NAALADL2: variants seen among roughly 807,000 people sequenced by gnomAD.
The protein encoded by NAALADL2 is inactive N-acetylated-alpha-linked acidic dipeptidase-like protein 2.
Under a neutral mutation model 87.2 loss-of-function variants are expected in NAALADL2, and 76 were observed. The ratio of observed to expected loss-of-function variants is 0.87; its 90% CI spans 0.72 to 1.05. NAALADL2 has a LOEUF of 1.05. NAALADL2 is among the 50% of genes least tolerant of loss of function. The pLI, the probability that NAALADL2 is intolerant of heterozygous loss-of-function variation, is 0.00. For synonymous variants in NAALADL2, 354 were observed against 331.0 expected (o/e 1.07, Z -0.75); for missense variants, 1,089 against 945.8 (o/e 1.15, Z -1.99).
At chr3:174,968,466 A>G (rs1579777869) in intron 1 of NAALADL2, among the ~76,000 whole-genome samples, 1 of 152,108 alleles carries the variant, frequency 6.6e-6, no homozygotes, top group African/African-American at 2.4e-5. Context: ...GTGACTCGAT[A>G]CAGGTTTGAA....
chr3:174,879,018 A>G (rs978875547), intron 1 of NAALADL2, among the ~76,000 whole-genome samples: 2 of 149,220 alleles, frequency 1.3e-5, no homozygotes, highest in African/African-American at 4.9e-5. Context: ...GTGTAGCCCT[A>G]CAGAAGAAAA....
At chr3:175,760,100 A>G in intron 13 of NAALADL2, among the ~76,000 whole-genome samples, 1 of 152,120 alleles carries the variant, frequency 6.6e-6, no homozygotes, top group East Asian at 1.9e-4. Flanking sequence ...CAAAGGACCA[A>G]TTTAGGACGT....
chr3:174,770,722 C>T (rs1236951948), intron 3 of NAALADL2, among the ~76,000 whole-genome samples: 2 of 151,988 alleles, frequency 1.3e-5, no homozygotes, highest in Admixed American at 6.6e-5. Flanking sequence ...CACCTGCAGT[C>T]CCAGCTACTC....
At chr3:175,151,692 A>G (rs1314277812) in intron 2 of NAALADL2, among the ~76,000 whole-genome samples, 2 of 152,124 alleles carry the variant, frequency 1.3e-5, no homozygotes, top group African/African-American at 4.8e-5. Context: ...ACATACATAC[A>G]CGCACATGCA....
chr3:174,893,947 G>T (rs1359884631), intron 1 of NAALADL2, among the ~76,000 whole-genome samples: 2 of 151,990 alleles, frequency 1.3e-5, no homozygotes, highest in African/African-American at 2.4e-5. Flanking sequence ...ACAAAAACAA[G>T]ACCCATTGAT....
At chr3:175,207,260 A>G (rs1580929650) in intron 2 of NAALADL2, among the ~76,000 whole-genome samples, 1 of 152,186 alleles carries the variant, frequency 6.6e-6, no homozygotes, top group East Asian at 1.9e-4. Flanking sequence ...ATTATTGGAG[A>G]CTAGAAGGTT....
chr3:175,367,375 G>T (rs116607346), intron 5 of NAALADL2, among the ~76,000 whole-genome samples: 331 of 131,882 alleles, frequency 2.5e-3, no homozygotes, highest in African/African-American at 8.3e-3. Context: ...ACTTTAAAGA[G>T]TTGTTTCCGA....
intron 5 of NAALADL2, among the ~76,000 whole-genome samples, chr3:175,409,545 ATATAAG>A (rs1304119734): frequency 7.9e-5 from 12 of 152,070 alleles, no homozygotes; most frequent in East Asian, 1.9e-4. Context: ...GAAATAATAT[ATATAAG>A]TATAAGATTA....
intron 2 of NAALADL2, among the ~76,000 whole-genome samples, chr3:174,614,925 T>TG (rs1560094717): frequency 2.6e-5 from 4 of 152,162 alleles, no homozygotes; most frequent in Non-Finnish European, 5.9e-5. Context: ...TATAATGAAC[T>TG]TTTCTCCAGT....
At chr3:175,373,534 G>A (rs1371331877) in intron 5 of NAALADL2, among the ~76,000 whole-genome samples, 1 of 152,070 alleles carries the variant, frequency 6.6e-6, no homozygotes, top group Non-Finnish European at 1.5e-5. Flanking sequence ...TCTATTTTAT[G>A]CTCATATCAG....
chr3:175,564,171 C>T (rs376430329), intron 9 of NAALADL2, among the ~76,000 whole-genome samples: 4 of 151,926 alleles, frequency 2.6e-5, no homozygotes, highest in South Asian at 2.1e-4. Context: ...TAAAATTAAA[C>T]GAATTACCTC....
At chr3:174,683,481 T>C (rs1347263450) in intron 2 of NAALADL2, among the ~76,000 whole-genome samples, 1 of 152,002 alleles carries the variant, frequency 6.6e-6, no homozygotes, top group African/African-American at 2.4e-5. Context: ...ATCAGAATAA[T>C]TTACAAAGAA....
At chr3:175,711,234 T>G (rs1020132270) in intron 11 of NAALADL2, among the ~76,000 whole-genome samples, 9 of 151,868 alleles carry the variant, frequency 5.9e-5, no homozygotes, top group African/African-American at 2.2e-4. Context: ...ATGGCTTTCT[T>G]TGAATAATAA....
At chr3:175,639,480 C>G (rs560020847) in intron 11 of NAALADL2, among the ~76,000 whole-genome samples, 7 of 151,966 alleles carry the variant, frequency 4.6e-5, no homozygotes, top group Non-Finnish European at 8.8e-5. Flanking sequence ...GCCACCAAGC[C>G]CGGCTAATTT....
intron 13 of NAALADL2, among the ~76,000 whole-genome samples, chr3:175,787,255 C>T (rs951613770): frequency 3.4e-4 from 52 of 152,236 alleles, no homozygotes; most frequent in East Asian, 1.4e-3. Context: ...TCGAGCTTCC[C>T]GGCTGCTTTG....
At chr3:175,650,304 C>G (rs949133109) in intron 11 of NAALADL2, among the ~76,000 whole-genome samples, 1 of 152,128 alleles carries the variant, frequency 6.6e-6, no homozygotes, top group African/African-American at 2.4e-5. Flanking sequence ...TTGTCCAAGA[C>G]TAGGTCTGGG....
intron 4 of NAALADL2, among the ~76,000 whole-genome samples, chr3:175,272,766 G>T (rs1354439810): frequency 1.3e-5 from 2 of 151,948 alleles, no homozygotes; most frequent in South Asian, 4.1e-4. Context: ...ATAATTCTGG[G>T]TCTACAAAAA....
intron 1 of NAALADL2, among the ~76,000 whole-genome samples, chr3:174,950,874 C>T (rs1287125269): frequency 6.6e-6 from 1 of 152,038 alleles, no homozygotes; most frequent in Non-Finnish European, 1.5e-5. Flanking sequence ...AATCAAATAG[C>T]TATTAACATT....
intron 5 of NAALADL2, among the ~76,000 whole-genome samples, chr3:175,445,916 G>T (rs1184577525): frequency 6.6e-6 from 1 of 152,018 alleles, no homozygotes; most frequent in East Asian, 1.9e-4. Context: ...TCTGCTGACC[G>T]CCTGCCATCA....
Sources: gnomAD v4.1 joint callset for allele counts (sites outside exome capture counted in the v4.1 genomes callset) on GRCh38, gnomAD v4.1.1 for gene constraint, MANE v1.5 for transcripts, NCBI Gene and HGNC (gene_info 2026-07-23, HGNC 2026-07-21) for gene names.